AARS1: variants seen among roughly 807,000 people sequenced by gnomAD.
The protein encoded by AARS1 is alanine--tRNA ligase, cytoplasmic.
A neutral mutation model predicts 108.9 loss-of-function variants in AARS1; 72 were observed. The observed-to-expected ratio is 0.66, with a 90% CI of 0.55 to 0.80. The LOEUF is 0.80. AARS1 is among the 30% of genes least tolerant of loss of function. AARS1 has a pLI of 0.00. For missense variants in AARS1, 1,193 were observed against 1,233.2 expected (o/e 0.97, Z 0.49); for synonymous variants, 489 against 465.7 (o/e 1.05, Z -0.64).
At chr16:70,276,225 TAAATA>T (rs1567610316) in intron 4 of AARS1, 1 of 213,786 alleles carries the variant, frequency 4.7e-6, no homozygotes, top group Non-Finnish European at 9.3e-6. Context: ...AAAAAATAAA[TAAATA>T]AATAAATAAA....
intron 5 of AARS1, among the ~76,000 whole-genome samples, chr16:70,271,533 A>T (rs1960402148): frequency 6.6e-6 from 1 of 151,928 alleles, no homozygotes; most frequent in Non-Finnish European, 1.5e-5. Context: ...TGTCTCAAAA[A>T]AACAAAAAAA....
At chr16:70,279,228 G>T (rs532098728) in intron 2 of AARS1, among the ~76,000 whole-genome samples, 2 of 151,512 alleles carry the variant, frequency 1.3e-5, no homozygotes, top group Non-Finnish European at 2.9e-5. Flanking sequence ...GGGGGTGCCT[G>T]TAGTCCCAGC....
rs769917416 is a variant in AARS1, at chr16:70,259,030, G to A, written c.1942C>T (p.Gln648Ter). ...FTAKGAMSTQ[Q>*]IKKAEEIANE... ...GCAATCTCTTCAGCCTTCTTGATCT[G>A]TTGGGTGGACATGGCTCCCTTGGCA... The change falls in exon 14 of 21, where the codon CAG (glutamine) becomes TAG (stop). Residue 648 changes from glutamine to a stop codon, truncating the protein, a stop_gained. Transcript: ENST00000261772. LOFTEE classifies it high-confidence loss of function. The A allele has an allele frequency of 1.2e-6, 2 of 1,614,212 alleles. No homozygotes were observed. Among genetic ancestry groups the A allele is most frequent in the Admixed American group, 1.7e-5 (1 of 60,022 alleles).
intron 4 of AARS1, among the ~76,000 whole-genome samples, chr16:70,275,314 C>T (rs956201596): frequency 2.6e-5 from 4 of 151,928 alleles, no homozygotes; most frequent in East Asian, 1.9e-4. Flanking sequence ...TAAGAAGCAA[C>T]GAATGGATCT....
intron 4 of AARS1, among the ~76,000 whole-genome samples, chr16:70,274,856 C>A (rs1960498986): frequency 6.6e-6 from 1 of 151,934 alleles, no homozygotes; most frequent in Non-Finnish European, 1.5e-5. Flanking sequence ...ATTGAGGGAA[C>A]TTCCACTTTC....
intron 13 of AARS1, 79 bp from the exon 14 acceptor site, chr16:70,259,265 C>G: frequency 6.9e-7 from 1 of 1,441,728 alleles, no homozygotes; most frequent in Non-Finnish European, 9.7e-7. Context: ...CCCCCGAGTG[C>G]TACAATTTTT....
In AARS1 at chr16:70,254,601, G is replaced by A. The variant is rs1325468590; in HGVS notation, c.2400+20C>T. 6.5e-7 allele frequency: 1 copy of A among 1,548,670 alleles called. No individual in the cohort carries two copies. Among genetic ancestry groups the A allele is most frequent in the Admixed American group, 1.7e-5 (1 of 59,910 alleles). ...TCATGCACCAGGCCCTGAGGACGGA[G>A]GGAGGGAAGCCGCCCCTACCTCTCC... On this transcript the variant is annotated intron_variant, in intron 17 of 20. Coordinates refer to ENST00000261772, the MANE Select transcript of AARS1 (RefSeq NM_001605.3).
rs1048867270 is a variant in AARS1, at chr16:70,276,169, C to T, written c.479+317G>A. The stretch of plus-strand genomic sequence containing the variant: ...GACAGAGGTTGCAGTGAGCCGAGGT[C>T]GTGCCACTGCACTCCAGCCTAGCTG... On this transcript the variant is annotated intron_variant, in intron 4 of 20. Transcript: ENST00000261772. 1.2e-4 allele frequency: 22 copies of T among 176,662 alleles called. 1 individual carries two copies. The highest frequency in any genetic ancestry group is 3.6e-4 in the South Asian group (3 of 8,338). 10.9% of individuals were successfully genotyped at this position (176,662 alleles called of 1,614,324 possible). A position where few individuals can be genotyped will look rare whatever the true frequency, so the allele number is the denominator to read the frequency against.
Position 70,268,266 on chromosome 16 carries a change from C to T in AARS1, c.1071+5G>A. On this transcript the variant is annotated splice_donor_5th_base_variant and intron_variant, in intron 8 of 20. Transcript: ENST00000261772. ...ACAGAAGGGTAAGCAGAGAAATAAACCTACCAGGGACTGGACGACAACATC... is the reference window on the plus strand; with the variant it reads ...ACAGAAGGGTAAGCAGAGAAATAAATCTACCAGGGACTGGACGACAACATC... 6.2e-7 allele frequency: 1 copy of T among 1,613,658 alleles called. No individual in the cohort carries two copies. The highest frequency in any genetic ancestry group is 8.5e-7 in the Non-Finnish European group (1 of 1,179,544).
intron 17 of AARS1, 55 bp from the exon 18 acceptor site, chr16:70,254,093 G>T: frequency 6.2e-7 from 1 of 1,609,076 alleles, no homozygotes. Context: ...GGGATGTCAG[G>T]GTCCAGCCCA....
chr16:70,288,485 C>T lies in AARS1; in HGVS notation c.-22+936G>A, dbSNP rs1228933656. Among the ~76,000 whole-genome samples, 4 of 151,800 alleles carry T rather than the reference C, an allele frequency of 2.6e-5. No homozygotes were observed. In the East Asian group the frequency reaches 7.7e-4, roughly 29 times the overall value. On this transcript the variant is annotated intron_variant, in intron 1 of 20. Coordinates refer to ENST00000261772, the MANE Select transcript of AARS1 (RefSeq NM_001605.3). ...AGTGTTTCCCTTCATAATTTCCATA[C>T]GCGCTTCATGGATTGTTTAATGTGC... is the stretch of plus-strand genomic sequence containing the variant.
At chr16:70,254,957 G>T (rs532609563) in intron 16 of AARS1, among the ~76,000 whole-genome samples, 1 of 152,286 alleles carries the variant, frequency 6.6e-6, no homozygotes, top group East Asian at 1.9e-4. Context: ...AGACTCAGGG[G>T]TGATCAAGCT....
chr16:70,271,695 T>G, intron 5 of AARS1, 86 bp downstream of exon 5: 2 of 1,353,882 alleles, frequency 1.5e-6, no homozygotes, highest in Non-Finnish European at 2.1e-6. Flanking sequence ...AAATGAGCTT[T>G]TAGCTGAGAA....
At chr16:70,257,798 C>T (rs904775421) in intron 15 of AARS1, among the ~76,000 whole-genome samples, 1 of 152,192 alleles carries the variant, frequency 6.6e-6, no homozygotes, top group African/African-American at 2.4e-5. Context: ...AATGTGAATA[C>T]AATGTTTTCC....
At chr16:70,283,434 A>G (rs1010347272) in intron 1 of AARS1, among the ~76,000 whole-genome samples, 3 of 151,858 alleles carry the variant, frequency 2.0e-5, no homozygotes, top group Non-Finnish European at 4.4e-5. Flanking sequence ...AAAGAAAAAA[A>G]GGGGGAGAAA....
chr16:70,255,217 G>A (rs56389123), intron 16 of AARS1, among the ~76,000 whole-genome samples: 1 of 40,694 alleles, frequency 2.5e-5, no homozygotes, highest in African/African-American at 5.9e-5. Context: ...TTTTTTTTTT[G>A]GAGACGGAGT....
chr16:70,255,194 ATTTTTTTT>A (rs946837808), intron 16 of AARS1, among the ~76,000 whole-genome samples: 22 of 104,276 alleles, frequency 2.1e-4, no homozygotes, highest in African/African-American at 7.8e-4. Flanking sequence ...CCAGATTCAC[ATTTTTTTT>A]TTTTTTTTTT....
chr16:70,288,120 T>C (rs1960905416), intron 1 of AARS1, among the ~76,000 whole-genome samples: 2 of 115,180 alleles, frequency 1.7e-5, no homozygotes, highest in Non-Finnish European at 3.6e-5. Flanking sequence ...TTTTTTTTTT[T>C]GAGACGGAGT....
chr16:70,259,262 G>C, intron 13 of AARS1, 76 bp from the exon 14 acceptor site: 1 of 1,456,326 alleles, frequency 6.9e-7, no homozygotes, highest in Non-Finnish European at 9.6e-7. Context: ...GCTCCCCCGA[G>C]TGCTACAATT....
Sources: allele counts gnomAD v4.1 joint callset (sites outside exome capture counted in the v4.1 genomes callset), GRCh38; gene constraint gnomAD v4.1.1; transcripts MANE v1.5; gene names NCBI Gene and HGNC (gene_info 2026-07-23, HGNC 2026-07-21).